ADGB: variants seen among roughly 807,000 people sequenced by gnomAD.
The protein encoded by ADGB is androglobin.
A neutral mutation model predicts 210.5 loss-of-function variants in ADGB; 172 were observed. The observed-to-expected ratio is 0.82, with a 90% CI of 0.72 to 0.93. The LOEUF (loss-of-function observed/expected upper bound fraction) is 0.93, where lower values mean the gene tolerates loss of function less well. Ranked by LOEUF, ADGB falls within the 40% of genes least tolerant of loss-of-function variation. The pLI is 0.00. For missense variants in ADGB, 2,025 were observed against 1,964.8 expected, an observed-to-expected ratio of 1.03 and a Z score of -0.58; for synonymous variants, 658 against 662.7, an observed-to-expected ratio of 0.99 and a Z score of 0.11.
intron 25 of ADGB, among the ~76,000 whole-genome samples, chr6:146,742,796 C>T (rs960675984): frequency 4.2e-4 from 64 of 152,162 alleles, no homozygotes; most frequent in African/African-American, 1.5e-3. Context: ...ACCTGCGGCC[C>T]ATAGGCTGCG....
At chr6:146,797,530 C>G (rs1248762013) in intron 33 of ADGB, among the ~76,000 whole-genome samples, 1 of 152,014 alleles carries the variant, frequency 6.6e-6, no homozygotes, top group African/African-American at 2.4e-5. Flanking sequence ...TATATACACA[C>G]ACACACGTAT....
At chr6:146,625,378 T>C (rs1225663784) in intron 1 of ADGB, among the ~76,000 whole-genome samples, 1 of 152,146 alleles carries the variant, frequency 6.6e-6, no homozygotes, top group Non-Finnish European at 1.5e-5. Flanking sequence ...TAATGTTAGT[T>C]TTGTTCAGTG....
chr6:146,805,374 G>A (rs1778195873), intron 35 of ADGB, among the ~76,000 whole-genome samples: 1 of 152,160 alleles, frequency 6.6e-6, no homozygotes, highest in South Asian at 2.1e-4. Flanking sequence ...CCAATTTGTG[G>A]TTCTTACAGC....
intron 1 of ADGB, among the ~76,000 whole-genome samples, chr6:146,602,380 G>A (rs1780571011): frequency 6.6e-6 from 1 of 152,100 alleles, no homozygotes; most frequent in African/African-American, 2.4e-5. Context: ...AATAAGTGAG[G>A]GGATTTTGTT....
chr6:146,659,976 A>G (rs1297480447), intron 5 of ADGB, among the ~76,000 whole-genome samples: 2 of 152,156 alleles, frequency 1.3e-5, no homozygotes, highest in East Asian at 3.9e-4. Context: ...CAATATGTTT[A>G]TATAAAAATG....
intron 20 of ADGB, among the ~76,000 whole-genome samples, chr6:146,730,701 C>T (rs1583610967): frequency 6.6e-6 from 1 of 152,146 alleles, no homozygotes; most frequent in East Asian, 1.9e-4. Flanking sequence ...CATTCCTGGG[C>T]TATTAAATGG....
intron 18 of ADGB, chr6:146,724,591 T>A: frequency 4.1e-6 from 1 of 246,108 alleles, no homozygotes; most frequent in South Asian, 1.7e-4. Context: ...TGCTTGAGCT[T>A]GTTTAACCCA....
intron 1 of ADGB, among the ~76,000 whole-genome samples, chr6:146,617,653 G>C (rs1780823713): frequency 6.6e-6 from 1 of 151,764 alleles, no homozygotes; most frequent in African/African-American, 2.4e-5. Context: ...ATCATGACGG[G>C]TTATTAAATT....
intron 1 of ADGB, among the ~76,000 whole-genome samples, chr6:146,600,847 G>GTGAA (rs965723867): frequency 5.3e-5 from 8 of 151,330 alleles, no homozygotes; most frequent in African/African-American, 1.7e-4. Flanking sequence ...AAAGTGTTTA[G>GTGAA]TGAATGAATG....
intron 35 of ADGB, among the ~76,000 whole-genome samples, chr6:146,811,019 A>G (rs1387521658): frequency 2.6e-5 from 4 of 152,220 alleles, no homozygotes; most frequent in Non-Finnish European, 5.9e-5. Context: ...AGTTTACATG[A>G]AAAATTAATT....
At chr6:146,747,256 T>A (rs1202617819) in intron 26 of ADGB, among the ~76,000 whole-genome samples, 1 of 152,238 alleles carries the variant, frequency 6.6e-6, no homozygotes, top group Non-Finnish European at 1.5e-5. Flanking sequence ...ACAGAAAATT[T>A]GGAAAATATG....
At chr6:146,655,417 C>T (rs1775766042) in intron 4 of ADGB, among the ~76,000 whole-genome samples, 2 of 152,252 alleles carry the variant, frequency 1.3e-5, no homozygotes, top group South Asian at 4.1e-4. Context: ...TCCCCACCTC[C>T]TACTCCCCAC....
intron 10 of ADGB, 150 bp from the exon 11 acceptor site, chr6:146,690,966 A>T (rs534414086): frequency 4.2e-6 from 2 of 477,556 alleles, no homozygotes; most frequent in South Asian, 1.6e-4. Flanking sequence ...ACAAATGATA[A>T]TAATGCTTAT....
At chr6:146,769,184 T>C (rs1777618760) in intron 29 of ADGB, 53 bp downstream of exon 29, 1 of 810,398 alleles carries the variant, frequency 1.2e-6, no homozygotes, top group Admixed American at 2.4e-5. Context: ...TAAGTTGATA[T>C]TTAAATATTT....
chr6:146,781,485 C>A (rs115349475), intron 29 of ADGB, among the ~76,000 whole-genome samples: 17 of 146,998 alleles, frequency 1.2e-4, no homozygotes, highest in Non-Finnish European at 2.1e-4. Context: ...AAAAAAAAAC[C>A]GAGGATGCAG....
At chr6:146,721,370 AT>A in intron 16 of ADGB, 32 bp from the exon 17 acceptor site, 1 of 1,304,570 alleles carries the variant, frequency 7.7e-7, no homozygotes, top group South Asian at 1.3e-5. Flanking sequence ...ATGAACTGAT[AT>A]TAAGTATGAC....
chr6:146,709,731 G>C (rs2114555877), intron 13 of ADGB, among the ~76,000 whole-genome samples: 1 of 152,272 alleles, frequency 6.6e-6, no homozygotes, highest in East Asian at 1.9e-4. Flanking sequence ...TTAGGACCAA[G>C]GCAAACTCCA....
At chr6:146,805,619 T>C (rs750603900) in intron 35 of ADGB, among the ~76,000 whole-genome samples, 5 of 152,326 alleles carry the variant, frequency 3.3e-5, no homozygotes, top group Admixed American at 6.5e-5. Flanking sequence ...TAGGTGACTT[T>C]GCCTTTCCAC....
intron 9 of ADGB, among the ~76,000 whole-genome samples, chr6:146,682,901 C>A (rs926276910): frequency 2.0e-5 from 3 of 151,910 alleles, no homozygotes; most frequent in African/African-American, 7.3e-5. Flanking sequence ...CCTTTGTAGT[C>A]TTGGTTGAAT....
Sources: gnomAD v4.1 joint callset for allele counts (sites outside exome capture counted in the v4.1 genomes callset) on GRCh38, gnomAD v4.1.1 for gene constraint, MANE v1.5 for transcripts, NCBI Gene and HGNC (gene_info 2026-07-23, HGNC 2026-07-21) for gene names.